The following AGBL4 variants were observed in gnomAD, a reference collection of about 807,000 sequenced individuals.
AGBL4 encodes the protein AGBL carboxypeptidase 4.
In AGBL4, 58 loss-of-function variants were observed where a neutral mutation model predicts 66.4. The observed-to-expected ratio is 0.87, with a 90% CI of 0.71 to 1.09. The LOEUF is 1.09. Ranked by LOEUF, AGBL4 falls within the 50% of genes least tolerant of loss-of-function variation. AGBL4 has a pLI of 0.00. For synonymous variants in AGBL4, 234 were observed against 222.9 expected, an observed-to-expected ratio of 1.05 and a Z score of -0.44; for missense variants, 579 against 631.0, an observed-to-expected ratio of 0.92 and a Z score of 0.88.
chr1:48,821,240 TGG>T (rs1215433441), intron 6 of AGBL4, among the ~76,000 whole-genome samples: 1 of 152,210 alleles, frequency 6.6e-6, no homozygotes, highest in Non-Finnish European at 1.5e-5. Context: ...ATGTCACTAC[TGG>T]GCATCTACCC....
intron 4 of AGBL4, among the ~76,000 whole-genome samples, chr1:49,081,567 C>T (rs1343766572): frequency 2.6e-5 from 4 of 152,186 alleles, no homozygotes; most frequent in African/African-American, 7.2e-5. Context: ...GCCTCTCTTT[C>T]TACTTAAGGA....
chr1:49,892,095 T>A (rs1416728288), intron 1 of AGBL4, among the ~76,000 whole-genome samples: 1 of 152,084 alleles, frequency 6.6e-6, no homozygotes, highest in Non-Finnish European at 1.5e-5. Flanking sequence ...GTGAACAAGA[T>A]AGCAACAAAT....
At chr1:49,558,489 C>T (rs1282228601) in intron 3 of AGBL4, among the ~76,000 whole-genome samples, 1 of 152,030 alleles carries the variant, frequency 6.6e-6, no homozygotes, top group Non-Finnish European at 1.5e-5. Context: ...TACAAGCATG[C>T]GCCACCACAC....
At chr1:49,417,726 G>T (rs1290792279) in intron 3 of AGBL4, among the ~76,000 whole-genome samples, 2 of 152,022 alleles carry the variant, frequency 1.3e-5, no homozygotes, top group Non-Finnish European at 2.9e-5. Context: ...GATGTCTTTA[G>T]GTTAAAATAC....
chr1:48,874,176 C>T (rs12089410), intron 5 of AGBL4, among the ~76,000 whole-genome samples: 2 of 152,048 alleles, frequency 1.3e-5, no homozygotes, highest in South Asian at 2.1e-4. Flanking sequence ...CAGAAACAGG[C>T]GCCACAGGGG....
intron 4 of AGBL4, among the ~76,000 whole-genome samples, chr1:49,192,892 A>T (rs1647149305): frequency 6.6e-6 from 1 of 152,156 alleles, no homozygotes; most frequent in Non-Finnish European, 1.5e-5. Context: ...TTACTGCTTC[A>T]ATTTCCTACT....
At chr1:48,628,682 T>C (rs1174883891) in intron 9 of AGBL4, among the ~76,000 whole-genome samples, 1 of 152,066 alleles carries the variant, frequency 6.6e-6, no homozygotes, top group African/African-American at 2.4e-5. Flanking sequence ...TCCATTCCAT[T>C]GCTCAGATTT....
At chr1:49,395,103 C>T (rs1644930269) in intron 3 of AGBL4, among the ~76,000 whole-genome samples, 1 of 152,276 alleles carries the variant, frequency 6.6e-6, no homozygotes, top group South Asian at 2.1e-4. Context: ...TGCTGATTGG[C>T]ATGACCTTAA....
intron 3 of AGBL4, among the ~76,000 whole-genome samples, chr1:49,625,559 G>A (rs1404066959): frequency 6.6e-6 from 1 of 152,136 alleles, no homozygotes; most frequent in Non-Finnish European, 1.5e-5. Flanking sequence ...GGAGGCCTGG[G>A]GAGGCTCCCA....
intron 2 of AGBL4, among the ~76,000 whole-genome samples, chr1:49,714,645 C>T (rs1647952603): frequency 6.6e-6 from 1 of 150,636 alleles, no homozygotes. Context: ...CAAATATTTA[C>T]ACATCACATT....
intron 6 of AGBL4, among the ~76,000 whole-genome samples, chr1:48,853,640 G>A (rs1257015463): frequency 6.6e-6 from 1 of 152,194 alleles, no homozygotes; most frequent in African/African-American, 2.4e-5. Flanking sequence ...AAGCAGAAGA[G>A]AGAGGATTCG....
chr1:49,758,183 C>T (rs1387559324), intron 2 of AGBL4, among the ~76,000 whole-genome samples: 3 of 152,144 alleles, frequency 2.0e-5, no homozygotes, highest in Non-Finnish European at 4.4e-5. Context: ...TGCGGGTGCA[C>T]AGAAGTCAAG....
At chr1:49,905,616 G>C (rs755031520) in intron 1 of AGBL4, among the ~76,000 whole-genome samples, 5 of 152,100 alleles carry the variant, frequency 3.3e-5, no homozygotes, top group Non-Finnish European at 5.9e-5. Context: ...TTCCTTATTT[G>C]TCTGTATCAC....
At chr1:49,233,203 G>A (rs1358387368) in intron 4 of AGBL4, among the ~76,000 whole-genome samples, 2 of 152,106 alleles carry the variant, frequency 1.3e-5, no homozygotes, top group African/African-American at 2.4e-5. Context: ...GAAAAACATG[G>A]CCTTTGGAAA....
At chr1:48,889,892 G>A (rs1650758488) in intron 5 of AGBL4, among the ~76,000 whole-genome samples, 1 of 152,122 alleles carries the variant, frequency 6.6e-6, no homozygotes, top group Non-Finnish European at 1.5e-5. Flanking sequence ...GACTGGGACG[G>A]GGAGGATGGC....
chr1:49,402,584 T>TG (rs34023317), intron 3 of AGBL4, among the ~76,000 whole-genome samples: 17 of 151,252 alleles, frequency 1.1e-4, no homozygotes, highest in Admixed American at 6.6e-5. Flanking sequence ...TTTTTTTTTT[T>TG]GAGATGGAGT....
intron 3 of AGBL4, among the ~76,000 whole-genome samples, chr1:49,431,792 G>GA (rs1249417690): frequency 2.0e-5 from 3 of 151,880 alleles, no homozygotes; most frequent in Non-Finnish European, 4.4e-5. Flanking sequence ...AAAAATGCTT[G>GA]AAAAAAGAGA....
chr1:49,323,458 T>A (rs1231524607), intron 3 of AGBL4, among the ~76,000 whole-genome samples: 1 of 150,156 alleles, frequency 6.7e-6, no homozygotes, highest in African/African-American at 2.4e-5. Flanking sequence ...ATTTTTTTTT[T>A]TTTTTTTTTT....
At chr1:49,743,714 TA>T (rs1425908284) in intron 2 of AGBL4, among the ~76,000 whole-genome samples, 7 of 152,130 alleles carry the variant, frequency 4.6e-5, no homozygotes, top group Non-Finnish European at 8.8e-5. Context: ...CATGGAATAC[TA>T]TGAAGCCATA....
Sources: allele counts gnomAD v4.1 joint callset (sites outside exome capture counted in the v4.1 genomes callset), GRCh38; gene constraint gnomAD v4.1.1; transcripts MANE v1.5; gene names NCBI Gene and HGNC (gene_info 2026-07-23, HGNC 2026-07-21).